The following OPN3 variants were observed in gnomAD, a reference collection of about 807,000 sequenced individuals.
The protein encoded by OPN3 is opsin 3.
OPN3 carries 29 observed loss-of-function variants against 33.8 expected under a neutral mutation model. The ratio of observed to expected loss-of-function variants is 0.86; its 90% CI spans 0.64 to 1.17. OPN3 has a LOEUF of 1.17. Ranked by LOEUF, OPN3 falls within the 50% of genes most tolerant of loss-of-function variation. OPN3 has a pLI of 0.00. For missense variants in OPN3, 437 were observed against 514.1 expected (o/e 0.85, Z 1.45); for synonymous variants, 216 against 216.1 (o/e 1.00, Z 0.00).
intron 3 of OPN3, chr1:241,595,433 C>T (rs898125362): frequency 6.6e-6 from 1 of 152,194 alleles, no homozygotes; most frequent in African/African-American, 2.4e-5. Flanking sequence ...CATTATTAGA[C>T]TGAACTGTGA....
intron 1 of OPN3, among the ~76,000 whole-genome samples, chr1:241,626,814 T>C (rs1429490437): frequency 1.3e-5 from 2 of 152,176 alleles, no homozygotes; most frequent in Non-Finnish European, 2.9e-5. Flanking sequence ...TGAGCAGCAA[T>C]AGAGAACTCA....
At chr1:241,605,781 C>T (rs1663814502) in intron 1 of OPN3, among the ~76,000 whole-genome samples, 1 of 152,172 alleles carries the variant, frequency 6.6e-6, no homozygotes, top group South Asian at 2.1e-4. Context: ...AAAAGGACAC[C>T]AAGGGGTCTA....
intron 1 of OPN3, chr1:241,628,807 T>C (rs1432003905): frequency 3.3e-5 from 5 of 152,422 alleles, no homozygotes; most frequent in African/African-American, 1.2e-4. Context: ...TAATTTAAAA[T>C]AGAATTTTAG....
intron 1 of OPN3, chr1:241,634,968 C>A: frequency 6.2e-7 from 1 of 1,613,574 alleles, no homozygotes; most frequent in Non-Finnish European, 8.5e-7. Flanking sequence ...TCCCGAAATG[C>A]AAGAATCCTA....
At position 241,593,461 on chromosome 1, in the gene OPN3, G is replaced by A. The variant is rs1364688009; in HGVS notation, c.*967C>T. 1 of 354,998 alleles carries A rather than the reference G, an allele frequency of 2.8e-6. No individual in the cohort carries two copies. The highest frequency in any genetic ancestry group is 2.1e-5 in the African/African-American group (1 of 48,192). 22.0% of individuals were successfully genotyped at this position (354,998 alleles called of 1,614,324 possible). ...TAAAAATTGGGCAATAAAATAAAAT[G>A]ATTCAGTGTTTCTTTTCTATATTGT... is the stretch of plus-strand genomic sequence containing the variant. On this transcript the variant is annotated 3_prime_UTR_variant, in exon 4 of 4. Transcript: ENST00000366554.
rs578004740 is a variant in OPN3 at position 241,606,500 on chromosome 1, G to A, written c.374-1921C>T. 6.6e-5 allele frequency among the ~76,000 whole-genome samples: 10 copies of A among 151,752 alleles called. No homozygotes were observed. The South Asian group carries it at 1.2e-3, about 19-fold the overall frequency. ...GTGGAGGTTGCAGTGAGCCGAGTTC[G>A]TGCCATTGCACTCCAGCCTGGGCAA... On this transcript the variant is annotated intron_variant, in intron 1 of 3. Coordinates refer to ENST00000366554, the MANE Select transcript of OPN3 (RefSeq NM_014322.3).
intron 1 of OPN3, chr1:241,631,767 T>C (rs1349487595): frequency 6.6e-6 from 1 of 152,170 alleles, no homozygotes; most frequent in African/African-American, 2.4e-5. Context: ...TCATCTTATC[T>C]TCACATTTCT....
At chr1:241,618,323 C>T (rs1416890673) in intron 1 of OPN3, among the ~76,000 whole-genome samples, 1 of 152,210 alleles carries the variant, frequency 6.6e-6, no homozygotes, top group African/African-American at 2.4e-5. Flanking sequence ...GTTTAAAATG[C>T]TGATTCCTAG....
intron 1 of OPN3, among the ~76,000 whole-genome samples, chr1:241,637,531 T>C (rs934186321): frequency 6.6e-6 from 1 of 152,216 alleles, no homozygotes; most frequent in African/African-American, 2.4e-5. Flanking sequence ...TATGATGGTA[T>C]CTGAAGAGGT....
intron 1 of OPN3, chr1:241,633,758 G>T (rs1233377576): frequency 6.2e-7 from 1 of 1,605,236 alleles, no homozygotes; most frequent in South Asian, 1.1e-5. Context: ...CTGATGCCAT[G>T]AAGGAGGTCC....
chr1:241,609,499 G>T (rs1663930677), intron 1 of OPN3, among the ~76,000 whole-genome samples: 1 of 152,246 alleles, frequency 6.6e-6, no homozygotes, highest in Admixed American at 6.5e-5. Context: ...GATGGATCAG[G>T]TATGTGCCTA....
chr1:241,613,598 T>C (rs115141987), intron 1 of OPN3, among the ~76,000 whole-genome samples: 1,630 of 152,284 alleles, frequency 0.011, 33 homozygotes, highest in African/African-American at 0.037. Context: ...ATTCTTAAAT[T>C]GAAGAATTTT....
In OPN3 at chr1:241,640,308, C is replaced by T. The variant is rs1202414269; in HGVS notation, c.-54G>A. 108 of 1,104,914 alleles carry T rather than the reference C, an allele frequency of 9.8e-5. No homozygotes were observed. Among genetic ancestry groups the T allele is most frequent in the Admixed American group, 1.0e-4 (2 of 19,644 alleles). The allele number at this position is 1,104,914 out of a possible 1,614,324, so 68.4% of individuals were successfully genotyped here. A position where few individuals can be genotyped will look rare whatever the true frequency, so the allele number is the denominator to read the frequency against. On this transcript the variant is annotated 5_prime_UTR_variant, in exon 1 of 4. Coordinates refer to ENST00000366554, the MANE Select transcript of OPN3 (RefSeq NM_014322.3). ...GAGGCGCTCAGCTTGCGGCGGGGCT[C>T]GCGGCGCGCTCCGCACTGGGTGGGG...
chr1:241,638,195 G>A (rs1664977107), intron 1 of OPN3, among the ~76,000 whole-genome samples: 1 of 152,124 alleles, frequency 6.6e-6, no homozygotes, highest in Non-Finnish European at 1.5e-5. Flanking sequence ...TGAAAAATAG[G>A]GCAGCCCTCA....
chr1:241,611,078 G>C (rs1425207618), intron 1 of OPN3, among the ~76,000 whole-genome samples: 1 of 152,144 alleles, frequency 6.6e-6, no homozygotes, highest in Non-Finnish European at 1.5e-5. Context: ...GGAGTGGACA[G>C]GGCTCTGGAG....
intron 1 of OPN3, among the ~76,000 whole-genome samples, chr1:241,607,951 T>C (rs1398135263): frequency 6.6e-6 from 1 of 152,172 alleles, no homozygotes; most frequent in African/African-American, 2.4e-5. Flanking sequence ...TAAATTTTTA[T>C]CTAAAAAGTG....
chr1:241,635,757 T>A (rs375852789), intron 1 of OPN3: 1 of 1,608,402 alleles, frequency 6.2e-7, no homozygotes, highest in Non-Finnish European at 8.5e-7. Context: ...GTGGGAAGAT[T>A]GTCCGCCATT....
At chr1:241,635,909 T>G in intron 1 of OPN3, 1 of 735,698 alleles carries the variant, frequency 1.4e-6, no homozygotes, top group Non-Finnish European at 2.2e-6. Flanking sequence ...CGGTTACCCT[T>G]TTAAAATATT....
rs780783855 is a variant in OPN3 at position 241,594,063 on chromosome 1, G to A, written c.*365C>T. The A allele has an allele frequency of 1.3e-5, 3 of 226,004 alleles. No individual in the cohort carries two copies. Among genetic ancestry groups the A allele is most frequent in the South Asian group, 7.5e-5 (1 of 13,282 alleles). 14.0% of individuals were successfully genotyped at this position (226,004 alleles called of 1,614,324 possible). ...TTCTAGCTACTTCACACATGTGTACGCGACAGTTATTTTTACAGTAAGGTA... is the reference window on the plus strand; with the variant it reads ...TTCTAGCTACTTCACACATGTGTACACGACAGTTATTTTTACAGTAAGGTA... On this transcript the variant is annotated 3_prime_UTR_variant, in exon 4 of 4. Coordinates refer to ENST00000366554, the MANE Select transcript of OPN3 (RefSeq NM_014322.3).
Sources: gnomAD v4.1 joint callset for allele counts (sites outside exome capture counted in the v4.1 genomes callset) on GRCh38, gnomAD v4.1.1 for gene constraint, MANE v1.5 for transcripts, NCBI Gene and HGNC (gene_info 2026-07-23, HGNC 2026-07-21) for gene names.